B3GLCT: variants seen among roughly 807,000 people sequenced by gnomAD.
The protein encoded by B3GLCT is beta-1,3-glucosyltransferase.
A neutral mutation model predicts 63.4 loss-of-function variants in B3GLCT; 65 were observed. The ratio of observed to expected loss-of-function variants is 1.03; its 90% CI spans 0.84 to 1.26. The LOEUF (loss-of-function observed/expected upper bound fraction) is 1.26, where lower values mean the gene tolerates loss of function less well. Among genes scored for constraint, B3GLCT ranks in the 50% most tolerant of loss-of-function variants. The pLI is 0.00. For missense variants in B3GLCT, 577 were observed against 604.8 expected (o/e 0.95, Z 0.48); for synonymous variants, 233 against 219.2 (o/e 1.06, Z -0.55).
intron 7 of B3GLCT, among the ~76,000 whole-genome samples, chr13:31,261,577 G>A (rs1395880587): frequency 6.6e-6 from 1 of 152,186 alleles, no homozygotes; most frequent in African/African-American, 2.4e-5. Context: ...AGCTATTTGT[G>A]TGTATATTCA....
intron 12 of B3GLCT, among the ~76,000 whole-genome samples, chr13:31,315,539 G>A (rs1183559536): frequency 6.6e-6 from 1 of 152,192 alleles, no homozygotes; most frequent in Non-Finnish European, 1.5e-5. Context: ...AAAGCATTCA[G>A]TCATATTCAT....
At chr13:31,222,538 T>C (rs928108703) in intron 2 of B3GLCT, among the ~76,000 whole-genome samples, 4 of 152,216 alleles carry the variant, frequency 2.6e-5, no homozygotes, top group African/African-American at 9.6e-5. Flanking sequence ...GTAGAACTTA[T>C]CTTCATGAGG....
chr13:31,304,608 A>G (rs1437083370), intron 12 of B3GLCT, among the ~76,000 whole-genome samples: 52 of 55,002 alleles, frequency 9.5e-4, no homozygotes, highest in African/African-American at 3.6e-3. Context: ...TAAAGGGATC[A>G]ATTCAACAAG....
chr13:31,317,775 T>C (rs1483515916), intron 13 of B3GLCT, 90 bp downstream of exon 13: 1 of 1,485,138 alleles, frequency 6.7e-7, no homozygotes, highest in Non-Finnish European at 9.4e-7. Context: ...GGATCTATAC[T>C]GTACGTGAGT....
intron 1 of B3GLCT, 142 bp downstream of exon 1, chr13:31,200,296 C>CCGCCG (rs1205411718): frequency 3.0e-4 from 88 of 291,186 alleles, no homozygotes; most frequent in Middle Eastern, 3.3e-3. Flanking sequence ...CGTCCGGTCC[C>CCGCCG]CGCCGCGCCG....
At position 31,217,780 on chromosome 13, in the gene B3GLCT, A is replaced by G. The variant is rs527788954; in HGVS notation, c.120+2680A>G. 7.2e-4 allele frequency among the ~76,000 whole-genome samples: 109 copies of G among 152,166 alleles called. 1 individual carries two copies. The highest frequency in any genetic ancestry group is 7.0e-3 in the South Asian group (34 of 4,824). ...ATTTCTGGGTTCTCTAACCTGTTCCATTGGTCTATGTGTCTGTTTCTGTAG... is the reference window on the plus strand; with the variant it reads ...ATTTCTGGGTTCTCTAACCTGTTCCGTTGGTCTATGTGTCTGTTTCTGTAG... On this transcript the variant is annotated intron_variant, in intron 2 of 14. Coordinates refer to ENST00000343307, the MANE Select transcript of B3GLCT (RefSeq NM_194318.4).
At position 31,229,234 on chromosome 13, in the gene B3GLCT, T is replaced by C; in HGVS notation, c.210T>C (p.His70=). 1.2e-6 allele frequency: 2 copies of C among 1,613,810 alleles called. No individual in the cohort carries two copies. Among genetic ancestry groups the C allele is most frequent in the Non-Finnish European group, 1.7e-6 (2 of 1,179,682 alleles). The change falls in exon 4 of 15, where the codon CAT becomes CAC. Residue 70 remains histidine (H), a synonymous_variant. Coordinates refer to ENST00000343307, the MANE Select transcript of B3GLCT (RefSeq NM_194318.4). ...TCCAGAGTCAAAGTAATTCTTTTCATGCAAAGAGAGCAGAGCAGTTAAAAA... is the reference window on the plus strand; with the variant it reads ...TCCAGAGTCAAAGTAATTCTTTTCACGCAAAGAGAGCAGAGCAGTTAAAAA... ...FVIQSQSNSF[H]AKRAEQLKKS... is the part of the protein sequence containing the mutation.
intron 12 of B3GLCT, among the ~76,000 whole-genome samples, chr13:31,313,744 C>T (rs985135390): frequency 2.6e-5 from 4 of 152,122 alleles, no homozygotes; most frequent in Admixed American, 1.3e-4. Context: ...AGCAAGTAGC[C>T]GAATGTTAAT....
intron 13 of B3GLCT, among the ~76,000 whole-genome samples, chr13:31,318,555 G>A (rs368143884): frequency 2.6e-4 from 40 of 152,316 alleles, no homozygotes; most frequent in African/African-American, 9.4e-4. Flanking sequence ...AACCAAACCT[G>A]AGCATGTGTG....
At chr13:31,275,419 T>C (rs916700930) in intron 9 of B3GLCT, among the ~76,000 whole-genome samples, 2 of 152,184 alleles carry the variant, frequency 1.3e-5, no homozygotes, top group African/African-American at 2.4e-5. Context: ...GTGCCCAGAC[T>C]CATTTCTTTT....
At chr13:31,208,937 T>C (rs1869122432) in intron 1 of B3GLCT, among the ~76,000 whole-genome samples, 1 of 151,248 alleles carries the variant, frequency 6.6e-6, no homozygotes, top group African/African-American at 2.4e-5. Flanking sequence ...GGTCACCCCC[T>C]CCTCAGAGGG....
intron 12 of B3GLCT, among the ~76,000 whole-genome samples, chr13:31,290,444 C>T (rs1873597836): frequency 6.6e-6 from 1 of 152,218 alleles, no homozygotes; most frequent in Non-Finnish European, 1.5e-5. Flanking sequence ...GCCACACTGT[C>T]TTCCACAATG....
Position 31,229,168 on chromosome 13 carries a change from A to G in B3GLCT, c.161-17A>G, listed in dbSNP as rs781309278. 1 of 1,458,972 alleles carries G rather than the reference A, an allele frequency of 6.9e-7. No individual in the cohort carries two copies. Among genetic ancestry groups the G allele is most frequent in the South Asian group, 1.2e-5 (1 of 85,040 alleles). The allele number at this position is 1,458,972 out of a possible 1,614,324, so 90.4% of individuals were successfully genotyped here. ...TTGTAAAAAGAAATACCTGAAAACT[A>G]TTTTTTTTTGTTCTAGACTTAAAAG... On this transcript the variant is annotated splice_polypyrimidine_tract_variant and intron_variant, in intron 3 of 14. Transcript: ENST00000343307.
intron 8 of B3GLCT, among the ~76,000 whole-genome samples, chr13:31,271,603 ATAC>A (rs1872577403): frequency 6.6e-6 from 1 of 152,208 alleles, no homozygotes; most frequent in South Asian, 2.1e-4. Context: ...ATTGTAGTCT[ATAC>A]AACAGTCATT....
At chr13:31,221,073 C>G (rs1869789091) in intron 2 of B3GLCT, among the ~76,000 whole-genome samples, 1 of 152,202 alleles carries the variant, frequency 6.6e-6, no homozygotes, top group East Asian at 1.9e-4. Flanking sequence ...GTTAGGAGAC[C>G]TGGTTTGTAA....
intron 8 of B3GLCT, among the ~76,000 whole-genome samples, chr13:31,271,274 C>T (rs1050021380): frequency 1.3e-5 from 2 of 152,220 alleles, no homozygotes; most frequent in African/African-American, 4.8e-5. Flanking sequence ...TAATTTGAGA[C>T]TCATCCATGT....
chr13:31,218,292 C>T (rs1017768630), intron 2 of B3GLCT, among the ~76,000 whole-genome samples: 3 of 151,052 alleles, frequency 2.0e-5, no homozygotes, highest in Non-Finnish European at 4.4e-5. Flanking sequence ...TGGATTCAAG[C>T]GATTCTCCTG....
chr13:31,327,429 AC>A (rs887046777), intron 14 of B3GLCT, among the ~76,000 whole-genome samples: 3 of 152,140 alleles, frequency 2.0e-5, no homozygotes, highest in Non-Finnish European at 4.4e-5. Flanking sequence ...GGAGTGGGAC[AC>A]CCCAGATTTC....
At chr13:31,210,302 G>A (rs556854575) in intron 1 of B3GLCT, among the ~76,000 whole-genome samples, 8 of 152,318 alleles carry the variant, frequency 5.3e-5, no homozygotes, top group Middle Eastern at 3.4e-3. Flanking sequence ...GCATGTAAAA[G>A]CATGATTTAC....
Sources: gnomAD v4.1 joint callset for allele counts (sites outside exome capture counted in the v4.1 genomes callset) on GRCh38, gnomAD v4.1.1 for gene constraint, MANE v1.5 for transcripts, NCBI Gene and HGNC (gene_info 2026-07-23, HGNC 2026-07-21) for gene names.